The following PRKDC variants were observed in gnomAD, a reference collection of about 807,000 sequenced individuals.
The protein encoded by PRKDC is protein kinase, DNA-activated, catalytic subunit.
PRKDC carries 82 observed loss-of-function variants against 486.9 expected under a neutral mutation model. The observed-to-expected ratio is 0.17, with a 90% CI of 0.14 to 0.20. The LOEUF is 0.20. PRKDC is among the 10% of genes least tolerant of loss of function. PRKDC has a pLI of 1.00. For missense variants in PRKDC, 4,504 were observed against 5,038.2 expected (o/e 0.89, Z 3.21); for synonymous variants, 1,895 against 1,837.0 (o/e 1.03, Z -0.81).
At position 47,930,694 on chromosome 8, in the gene PRKDC, T is replaced by C. The variant is rs1285392247; in HGVS notation, c.1870A>G (p.Ile624Val). 10 of 1,576,888 alleles carry C rather than the reference T, an allele frequency of 6.3e-6. No individual in the cohort carries two copies. The highest frequency in any genetic ancestry group is 8.6e-6 in the Non-Finnish European group (10 of 1,160,784). ...TACCTGCAAAATTCCACCAGGTTAA[T>C]GAAAGCCGAAAAATCTTTAGGTTTA... Reference protein sequence around the residue: ...PAKPKDFSAFINLVEFCREIL... With the variant: ...PAKPKDFSAFVNLVEFCREIL... Residue 624 changes from isoleucine to valine, a missense_variant, in exon 17 of 86, where the codon ATT (isoleucine) becomes GTT (valine). By Grantham distance (29) the Ile-to-Val change is conservative. Transcript: ENST00000314191.
chr8:47,903,929 C>G lies in PRKDC; in HGVS notation c.3042+940G>C, dbSNP rs555957583. Among the ~76,000 whole-genome samples the G allele has an allele frequency of 6.6e-4, 101 of 152,288 alleles. 1 individual carries two copies. Among genetic ancestry groups the G allele is most frequent in the African/African-American group, 2.3e-3 (97 of 41,562 alleles). ...CTACAGGTTTAATTATGTCACCACC[C>G]TAACGAATGTTCAGTCACTCTCCCC... is the stretch of plus-strand genomic sequence containing the variant. On this transcript the variant is annotated intron_variant, in intron 26 of 85. Coordinates refer to ENST00000314191, the MANE Select transcript of PRKDC (RefSeq NM_006904.7).
At chr8:47,851,867 C>T (rs1031040303) in intron 52 of PRKDC, among the ~76,000 whole-genome samples, 13 of 152,132 alleles carry the variant, frequency 8.5e-5, no homozygotes, top group Admixed American at 2.6e-4. Context: ...AGCAAGATCC[C>T]CAGGGATCCA....
chr8:47,887,648 T>G lies in PRKDC; in HGVS notation c.4471A>C (p.Ile1491Leu). ...CACTGTCTCTCATCTCCAGGGGCAATGCCTTTATAAACCAGGGAAAGAAGT... is the reference window on the plus strand; with the variant it reads ...CACTGTCTCTCATCTCCAGGGGCAAGGCCTTTATAAACCAGGGAAAGAAGT... ...TELLSLVYKGIAPGDERQCLP... is the reference protein window; with the variant it reads ...TELLSLVYKGLAPGDERQCLP... Residue 1491 changes from isoleucine to leucine, a missense_variant, in exon 35 of 86, where the codon ATT becomes CTT. Around this residue, in one of 6 missense-constraint regions of PRKDC, gnomAD observed 1,969 missense variants for 2,068.9 expected, o/e 0.95. Transcript: ENST00000314191. The G allele has an allele frequency of 6.2e-7, 1 of 1,609,072 alleles. No individual in the cohort carries two copies. The highest frequency in any genetic ancestry group is 8.5e-7 in the Non-Finnish European group (1 of 1,177,806).
Position 47,864,640 on chromosome 8 carries a change from C to A in PRKDC, c.5487G>T (p.Trp1829Cys). 5 of 1,609,370 alleles carry A rather than the reference C, an allele frequency of 3.1e-6. No homozygotes were observed. Among genetic ancestry groups the A allele is most frequent in the Non-Finnish European group, 4.2e-6 (5 of 1,177,960 alleles). The change falls in exon 41 of 86, where the codon TGG becomes TGT. Residue 1829 changes from tryptophan (W) to cysteine (C), a missense_variant. By Grantham distance (215) the Trp-to-Cys change is radical. Coordinates refer to ENST00000314191, the MANE Select transcript of PRKDC (RefSeq NM_006904.7). ...FVDRSLLTLL[W>C]HCSLDALREF... ...CTCTCAAAGCATCCAGGCTACAGTG[C>A]CACAGCAGAGTGAGGAGGGAGCGGT... is the stretch of plus-strand genomic sequence containing the variant.
chr8:47,800,921 A>G lies in PRKDC; in HGVS notation c.9988T>C (p.Leu3330=). 1 of 1,614,020 alleles carries G rather than the reference A, an allele frequency of 6.2e-7. No individual in the cohort carries two copies. The highest frequency in any genetic ancestry group is 1.1e-5 in the South Asian group (1 of 91,066). Residue 3330 remains leucine (L), a synonymous_variant, in exon 71 of 86, where the codon TTG becomes CTG. Transcript: ENST00000314191. ...GCTATGATCCTGTAAGTTGTACCCA[A>G]GAGAATGTTCTGGTCACGGAAAGCC... The part of the protein sequence containing the change: ...ILAFRDQNIL[L]GTTYRIIANA...
Position 47,927,801 on chromosome 8 carries a change from G to T in PRKDC, c.2229C>A (p.Leu743=), listed in dbSNP as rs750314401. ...LLSLPHNIIE[L]DVRAYVPALQ... ...GTGCAGGAACGTAGGCTCTAACATC[G>T]AGTTCAATGATGTTGTGTGGCAAGG... Residue 743 remains leucine (L), a synonymous_variant, in exon 20 of 86, where the codon CTC becomes CTA. Coordinates refer to ENST00000314191, the MANE Select transcript of PRKDC (RefSeq NM_006904.7). The T allele has an allele frequency of 6.3e-7, 1 of 1,583,474 alleles. No individual in the cohort carries two copies. The highest frequency in any genetic ancestry group is 8.6e-7 in the Non-Finnish European group (1 of 1,167,308).
At chr8:47,958,720 T>C (rs1224414399) in intron 1 of PRKDC, among the ~76,000 whole-genome samples, 1 of 151,690 alleles carries the variant, frequency 6.6e-6, no homozygotes, top group Non-Finnish European at 1.5e-5. Flanking sequence ...ACATATAGGA[T>C]ACATGTATAT....
chr8:47,828,397 T>C (rs1286925437), intron 61 of PRKDC, 50 bp from the exon 62 acceptor site: 2 of 1,445,614 alleles, frequency 1.4e-6, no homozygotes, highest in Non-Finnish European at 1.9e-6. Context: ...GCAAAAATGC[T>C]ATAAATCACC....
intron 84 of PRKDC, among the ~76,000 whole-genome samples, chr8:47,777,284 C>T (rs1457560118): frequency 6.6e-6 from 1 of 152,060 alleles, no homozygotes; most frequent in African/African-American, 2.4e-5. Flanking sequence ...TCTCGGCTCA[C>T]TGCAACCTCT....
intron 7 of PRKDC, among the ~76,000 whole-genome samples, chr8:47,949,045 T>G (rs893155881): frequency 3.9e-5 from 6 of 152,244 alleles, no homozygotes; most frequent in Non-Finnish European, 1.5e-5. Flanking sequence ...CTGTGCTCCT[T>G]CCAAGAGGCT....
chr8:47,892,241 T>C (rs1458163266), intron 31 of PRKDC, among the ~76,000 whole-genome samples: 5 of 152,202 alleles, frequency 3.3e-5, no homozygotes, highest in Non-Finnish European at 7.3e-5. Context: ...TTTTACATTT[T>C]ATGTGTAATA....
Position 47,935,110 on chromosome 8 carries a change from C to A in PRKDC, c.1448-52G>T. ...TGAAGGAAACACTGAAAAACAGAAT[C>A]AAAACTCACAAAAAAAAACAAACAG... is the stretch of plus-strand genomic sequence containing the variant. On this transcript the variant is annotated intron_variant, in intron 13 of 85. Coordinates refer to ENST00000314191, the MANE Select transcript of PRKDC (RefSeq NM_006904.7). 3.3e-6 allele frequency: 4 copies of A among 1,197,144 alleles called. No individual in the cohort carries two copies. The South Asian group carries it at 4.5e-5, about 14-fold the overall frequency. The allele number at this position is 1,197,144 out of a possible 1,614,324, so 74.2% of individuals were successfully genotyped here. A position where few individuals can be genotyped will look rare whatever the true frequency, so the allele number is the denominator to read the frequency against.
At chr8:47,840,945 G>A (rs1384904795) in intron 54 of PRKDC, among the ~76,000 whole-genome samples, 1 of 152,214 alleles carries the variant, frequency 6.6e-6, no homozygotes, top group African/African-American at 2.4e-5. Flanking sequence ...AAACCAACAT[G>A]CTTCGAAGAC....
rs1327112090 is a variant in PRKDC, at chr8:47,929,870, T to C, written c.2035A>G (p.Lys679Glu). ...LLSITVRNAK[K>E]IKYFEGVSPK... ...AGACTCACCTCGAAATATTTTATTT[T>C]CTTGGCATTTCTTACTGTAATAGAA... is the stretch of plus-strand genomic sequence containing the variant. Residue 679 changes from lysine (K) to glutamate (E), a missense_variant, in exon 18 of 86, where the codon AAA becomes GAA. Transcript: ENST00000314191. 1 of 1,596,164 alleles carries C rather than the reference T, an allele frequency of 6.3e-7. No individual in the cohort carries two copies. The highest frequency in any genetic ancestry group is 8.5e-7 in the Non-Finnish European group (1 of 1,175,860).
intron 73 of PRKDC, 66 bp from the exon 74 acceptor site, chr8:47,794,567 A>T: frequency 7.6e-7 from 1 of 1,318,004 alleles, no homozygotes; most frequent in Non-Finnish European, 1.0e-6. Context: ...TAAAAGTAAC[A>T]TATGTCCAAA....
chr8:47,959,590 A>G (rs2090776570), intron 1 of PRKDC, among the ~76,000 whole-genome samples: 1 of 151,882 alleles, frequency 6.6e-6, no homozygotes, highest in South Asian at 2.1e-4. Flanking sequence ...GAGGCAGGAG[A>G]ATAGCTTGAA....
intron 45 of PRKDC, among the ~76,000 whole-genome samples, chr8:47,860,464 G>A (rs949552546): frequency 6.6e-6 from 1 of 152,194 alleles, no homozygotes; most frequent in Non-Finnish European, 1.5e-5. Flanking sequence ...GGCAGGTCAG[G>A]GGCCTTGAGC....
chr8:47,878,575 G>A (rs2089139851), intron 39 of PRKDC, among the ~76,000 whole-genome samples: 1 of 152,088 alleles, frequency 6.6e-6, no homozygotes, highest in Non-Finnish European at 1.5e-5. Flanking sequence ...CTACAGAGGG[G>A]ATATCCCAGG....
chr8:47,841,295 C>T (rs117431673), intron 54 of PRKDC, among the ~76,000 whole-genome samples: 4,716 of 152,218 alleles, frequency 0.031, 101 homozygotes, highest in Non-Finnish European at 0.05. Flanking sequence ...GCACCCATGC[C>T]CCCAGGTTCT....
Sources: gnomAD v4.1 joint callset for allele counts (sites outside exome capture counted in the v4.1 genomes callset) on GRCh38, gnomAD v4.1.1 for gene constraint, gnomAD v4.1.1 regional missense constraint, MANE v1.5 for transcripts, NCBI Gene and HGNC (gene_info 2026-07-23, HGNC 2026-07-21) for gene names.